Variants in LINGO2 observed in about 807,000 individuals in gnomAD.
The protein encoded by LINGO2 is leucine-rich repeat and immunoglobulin-like domain-containing nogo receptor-interacting protein 2.
Under a neutral mutation model 30.6 loss-of-function variants are expected in LINGO2, and 14 were observed. That is an observed-to-expected ratio of 0.46 (90% CI 0.30 to 0.72). The LOEUF is 0.72. Ranked by LOEUF, LINGO2 falls within the 30% of genes least tolerant of loss-of-function variation. The pLI, the probability that LINGO2 is intolerant of heterozygous loss-of-function variation, is 0.07. For missense variants in LINGO2, 729 were observed against 751.7 expected (o/e 0.97, Z 0.35); for synonymous variants, 317 against 288.5 (o/e 1.10, Z -1.00).
At chr9:28,867,100 C>G in the LINGO2 span, among the ~76,000 whole-genome samples, 3 of 152,078 alleles carry the variant, frequency 2.0e-5, no homozygotes, top group African/African-American at 7.2e-5. Flanking sequence ...AGCTGCAGAA[C>G]TGACAGAGGA....
chr9:28,542,612 CT>C (rs956681005), intron 1 of LINGO2, among the ~76,000 whole-genome samples: 9 of 151,874 alleles, frequency 5.9e-5, no homozygotes, highest in African/African-American at 9.7e-5. Context: ...AATTTAAGTT[CT>C]TTTTTTTAAT....
chr9:28,781,211 C>A, the LINGO2 span, among the ~76,000 whole-genome samples: 5 of 151,988 alleles, frequency 3.3e-5, no homozygotes, highest in Admixed American at 1.3e-4. Flanking sequence ...ATCCCAAGCC[C>A]ATATGATCTG....
intron 1 of LINGO2, among the ~76,000 whole-genome samples, chr9:28,498,255 G>A (rs1819735230): frequency 6.6e-6 from 1 of 152,206 alleles, no homozygotes; most frequent in Non-Finnish European, 1.5e-5. Context: ...TGCCCCCAGA[G>A]GTGGAGTCTA....
chr9:28,442,057 A>T (rs1824219950), intron 2 of LINGO2, among the ~76,000 whole-genome samples: 1 of 151,076 alleles, frequency 6.6e-6, no homozygotes, highest in South Asian at 2.1e-4. Context: ...TTTCTATTTG[A>T]TTTGTTTGAA....
chr9:29,178,965 A>ATAAT, the LINGO2 span, among the ~76,000 whole-genome samples: 79 of 151,276 alleles, frequency 5.2e-4, no homozygotes, highest in African/African-American at 1.3e-3. Flanking sequence ...CATCTCTAAA[A>ATAAT]TAATTAATTA....
the LINGO2 span, among the ~76,000 whole-genome samples, chr9:29,094,959 ACATTTT>A: frequency 7.3e-6 from 1 of 137,800 alleles, no homozygotes; most frequent in Non-Finnish European, 1.6e-5. Context: ...TGAAATTCAT[ACATTTT>A]CATTAGTCAA....
At chr9:28,641,961 A>G (rs1827610341) in intron 1 of LINGO2, among the ~76,000 whole-genome samples, 2 of 151,680 alleles carry the variant, frequency 1.3e-5, no homozygotes, top group African/African-American at 4.8e-5. Context: ...TTTAGTCCTT[A>G]CAAGTTCCCA....
chr9:29,065,848 T>A, the LINGO2 span, among the ~76,000 whole-genome samples: 4 of 152,168 alleles, frequency 2.6e-5, no homozygotes, highest in East Asian at 5.8e-4. Flanking sequence ...GTAGAAATGT[T>A]CTGTAAAAAT....
chr9:28,110,013 A>C (rs1223927507), intron 4 of LINGO2, among the ~76,000 whole-genome samples: 1 of 152,202 alleles, frequency 6.6e-6, no homozygotes, highest in Non-Finnish European at 1.5e-5. Flanking sequence ...GACTACAGTA[A>C]CCAAAACCGC....
chr9:28,769,480 A>G, the LINGO2 span, among the ~76,000 whole-genome samples: 18 of 1,132 alleles, frequency 0.016, 2 homozygotes, highest in East Asian at 0.23. Context: ...ATATATATAT[A>G]TATATATATA....
chr9:27,993,610 T>C (rs1930013), intron 5 of LINGO2, among the ~76,000 whole-genome samples: 35,706 of 152,056 alleles, frequency 0.23, 4,725 homozygotes, highest in African/African-American at 0.37. Context: ...AAAACAAATC[T>C]TAAATGGATA....
chr9:29,118,242 CACTT>C, the LINGO2 span, among the ~76,000 whole-genome samples: 1 of 152,142 alleles, frequency 6.6e-6, no homozygotes, highest in African/African-American at 2.4e-5. Context: ...CTATATACCT[CACTT>C]ACCCTCTCAT....
the LINGO2 span, among the ~76,000 whole-genome samples, chr9:28,844,785 G>A: frequency 3.1e-4 from 47 of 151,708 alleles, no homozygotes; most frequent in Non-Finnish European, 5.1e-4. Flanking sequence ...TTTATTTCAG[G>A]AGTGAACCCC....
intron 2 of LINGO2, among the ~76,000 whole-genome samples, chr9:28,421,575 A>G (rs540512210): frequency 6.6e-6 from 1 of 152,120 alleles, no homozygotes; most frequent in East Asian, 1.9e-4. Flanking sequence ...GATTAGTTTC[A>G]GGACCAAGGG....
At chr9:28,327,645 A>T (rs947430103) in intron 3 of LINGO2, among the ~76,000 whole-genome samples, 2 of 152,240 alleles carry the variant, frequency 1.3e-5, no homozygotes, top group Admixed American at 1.3e-4. Context: ...AGCAGAAATA[A>T]GCACACTTGT....
chr9:28,039,583 T>C (rs1213268181), intron 4 of LINGO2, among the ~76,000 whole-genome samples: 1 of 152,156 alleles, frequency 6.6e-6, no homozygotes, highest in East Asian at 1.9e-4. Context: ...TGAGTACATG[T>C]AAGTCTTTTG....
At chr9:28,277,077 T>C (rs1267864627) in intron 4 of LINGO2, among the ~76,000 whole-genome samples, 1 of 152,190 alleles carries the variant, frequency 6.6e-6, no homozygotes, top group Non-Finnish European at 1.5e-5. Flanking sequence ...TGTTGCACTT[T>C]GTGATACTGC....
chr9:28,542,257 A>C lies in LINGO2; in HGVS notation c.-364-66232T>G, dbSNP rs1261809994. On this transcript the variant is annotated intron_variant, in intron 1 of 5. Coordinates refer to ENST00000379992, the Ensembl canonical transcript of LINGO2. ...GAGGTACAGCAAGTCTGTCCTCTAT[A>C]GGTAAGGTAGATCCTGAAAAAAAAA... 2.0e-5 allele frequency among the ~76,000 whole-genome samples: 3 copies of C among 152,064 alleles called. No homozygotes were observed. In the East Asian group the frequency reaches 5.8e-4, roughly 30 times the overall value.
At chr9:29,152,261 A>G in the LINGO2 span, among the ~76,000 whole-genome samples, 14 of 152,300 alleles carry the variant, frequency 9.2e-5, no homozygotes, top group African/African-American at 2.9e-4. Context: ...GCAACTTTTC[A>G]AAGATTTTCA....
Sources: gnomAD v4.1 joint callset for allele counts (sites outside exome capture counted in the v4.1 genomes callset) on GRCh38, gnomAD v4.1.1 for gene constraint, MANE v1.5 for transcripts, NCBI Gene and HGNC (gene_info 2026-07-23, HGNC 2026-07-21) for gene names.